The following CNTNAP2 variants were observed in gnomAD, a reference collection of about 807,000 sequenced individuals.
CNTNAP2 encodes contactin-associated protein-like 2.
In CNTNAP2, 98 loss-of-function variants were observed where a neutral mutation model predicts 155.2. The observed-to-expected ratio is 0.63, with a 90% CI of 0.54 to 0.75. The LOEUF (loss-of-function observed/expected upper bound fraction) is 0.75. Among genes scored for constraint, CNTNAP2 ranks in the 30% least tolerant of loss-of-function variants. The pLI is 0.00. For synonymous variants in CNTNAP2, 651 were observed against 631.2 expected (o/e 1.03, Z -0.47); for missense variants, 1,727 against 1,688.1 (o/e 1.02, Z -0.40).
Position 148,392,156 on chromosome 7 carries a change from C to T in CNTNAP2, c.3715+8268C>T, listed in dbSNP as rs1279443422. Among the ~76,000 whole-genome samples the T allele has an allele frequency of 2.6e-5, 4 of 152,078 alleles. No homozygotes were observed. In the East Asian group the frequency reaches 7.7e-4, roughly 29 times the overall value. ...AGGCGTGATCTCGGCTCACTGCAAC[C>T]TCCACCTCCGGGGTACAAGCAATTC... On this transcript the variant is annotated intron_variant, in intron 22 of 23. Coordinates refer to ENST00000361727, the MANE Select transcript of CNTNAP2 (RefSeq NM_014141.6).
chr7:146,569,202 C>G (rs985568945), intron 1 of CNTNAP2, among the ~76,000 whole-genome samples: 5 of 151,910 alleles, frequency 3.3e-5, no homozygotes, highest in Non-Finnish European at 5.9e-5. Context: ...ATTTTTAGTA[C>G]AGACGGGGTT....
At chr7:147,105,537 C>G (rs910293212) in intron 4 of CNTNAP2, among the ~76,000 whole-genome samples, 3 of 151,970 alleles carry the variant, frequency 2.0e-5, no homozygotes, top group Non-Finnish European at 4.4e-5. Flanking sequence ...TTGTAGGAAA[C>G]AGAGCCAAAC....
chr7:147,046,974 G>A (rs1163731638), intron 4 of CNTNAP2, among the ~76,000 whole-genome samples: 2 of 144,694 alleles, frequency 1.4e-5, no homozygotes, highest in Non-Finnish European at 3.0e-5. Context: ...GGAGCTTGCA[G>A]TGAGCCAAGA....
At chr7:147,167,291 A>G (rs1802133517) in intron 8 of CNTNAP2, 1 of 414,194 alleles carries the variant, frequency 2.4e-6, no homozygotes, top group Non-Finnish European at 4.2e-6. Context: ...TAACGTTTAT[A>G]ATCACTGTAA....
At chr7:146,195,878 A>G (rs1798767900) in intron 1 of CNTNAP2, among the ~76,000 whole-genome samples, 1 of 152,194 alleles carries the variant, frequency 6.6e-6, no homozygotes, top group African/African-American at 2.4e-5. Context: ...TGAACTTTTT[A>G]ACATGTACTC....
intron 12 of CNTNAP2, among the ~76,000 whole-genome samples, chr7:147,574,851 A>C (rs1193274214): frequency 1.3e-5 from 2 of 152,092 alleles, no homozygotes; most frequent in Admixed American, 1.3e-4. Context: ...AGAGAGGAGT[A>C]GTCAATCAGC....
chr7:147,828,589 A>G (rs1413678397), intron 13 of CNTNAP2, among the ~76,000 whole-genome samples: 1 of 152,166 alleles, frequency 6.6e-6, no homozygotes, highest in Non-Finnish European at 1.5e-5. Flanking sequence ...AGTGCCTCTG[A>G]CAACATCTGG....
At chr7:148,238,535 T>C (rs1245726415) in intron 20 of CNTNAP2, among the ~76,000 whole-genome samples, 1 of 152,240 alleles carries the variant, frequency 6.6e-6, no homozygotes, top group Non-Finnish European at 1.5e-5. Flanking sequence ...TTTTTAAAAA[T>C]GTTTACGCAA....
At chr7:147,741,587 A>G (rs1796957957) in intron 13 of CNTNAP2, among the ~76,000 whole-genome samples, 1 of 152,214 alleles carries the variant, frequency 6.6e-6, no homozygotes. Flanking sequence ...GTTTATACAT[A>G]CTTTTGTATT....
intron 11 of CNTNAP2, among the ~76,000 whole-genome samples, chr7:147,552,327 T>A (rs1799867180): frequency 6.6e-6 from 1 of 152,184 alleles, no homozygotes; most frequent in Non-Finnish European, 1.5e-5. Flanking sequence ...CAATTAAAAA[T>A]CAGTCCTATT....
At chr7:147,440,002 C>G in intron 10 of CNTNAP2, among the ~76,000 whole-genome samples, 1 of 151,784 alleles carries the variant, frequency 6.6e-6, no homozygotes, top group East Asian at 1.9e-4. Context: ...ATCATTGGGT[C>G]CTCTTTTTTC....
intron 11 of CNTNAP2, among the ~76,000 whole-genome samples, chr7:147,559,289 G>T (rs1800014097): frequency 6.6e-6 from 1 of 152,190 alleles, no homozygotes; most frequent in Non-Finnish European, 1.5e-5. Context: ...CTCCTGTGGG[G>T]AATTTGCCTG....
intron 1 of CNTNAP2, among the ~76,000 whole-genome samples, chr7:146,589,742 T>TA (rs1491376814): frequency 5.6e-4 from 66 of 117,794 alleles, no homozygotes; most frequent in Admixed American, 1.2e-3. Flanking sequence ...GAATGTAGAG[T>TA]ATAAAAAAAA....
In CNTNAP2 at chr7:146,507,094, A is replaced by G. The variant is rs114538198; in HGVS notation, c.98-267177A>G. ...CTTTGCTAAGGTGGATATCTCTGCC[A>G]TCCCAGTCTGGGGTTCATTACCCAT... On this transcript the variant is annotated intron_variant, in intron 1 of 23. Transcript: ENST00000361727. 6.4e-3 allele frequency among the ~76,000 whole-genome samples: 975 copies of G among 152,302 alleles called. 12 individuals carry two copies. The highest frequency in any genetic ancestry group is 0.022 in the African/African-American group (924 of 41,572).
intron 17 of CNTNAP2, among the ~76,000 whole-genome samples, chr7:148,165,301 A>G (rs1805633154): frequency 6.6e-6 from 1 of 152,098 alleles, no homozygotes. Context: ...CTATTGGATT[A>G]GGTCTCACCT....
intron 8 of CNTNAP2, among the ~76,000 whole-genome samples, chr7:147,213,454 C>G (rs374448815): frequency 6.6e-5 from 10 of 152,056 alleles, no homozygotes; most frequent in African/African-American, 1.7e-4. Context: ...ATCAAACTAA[C>G]CATAACACCA....
intron 2 of CNTNAP2, among the ~76,000 whole-genome samples, chr7:146,824,903 A>G (rs181524729): frequency 6.7e-6 from 1 of 149,356 alleles, no homozygotes; most frequent in Admixed American, 6.7e-5. Flanking sequence ...TTTTCTCTAC[A>G]TTGTCATTTT....
At chr7:146,364,436 G>C (rs1795127302) in intron 1 of CNTNAP2, among the ~76,000 whole-genome samples, 1 of 152,020 alleles carries the variant, frequency 6.6e-6, no homozygotes, top group Non-Finnish European at 1.5e-5. Flanking sequence ...TCTTTTCACT[G>C]TACTTATCTA....
chr7:146,875,137 T>C (rs1378971993), intron 3 of CNTNAP2, among the ~76,000 whole-genome samples: 1 of 152,156 alleles, frequency 6.6e-6, no homozygotes, highest in Non-Finnish European at 1.5e-5. Context: ...AAAGACAGGC[T>C]CTAGTGTAAA....
Sources: gnomAD v4.1 joint callset for allele counts (sites outside exome capture counted in the v4.1 genomes callset) on GRCh38, gnomAD v4.1.1 for gene constraint, MANE v1.5 for transcripts, NCBI Gene and HGNC (gene_info 2026-07-23, HGNC 2026-07-21) for gene names.